The following MTF2 variants were observed in gnomAD, a reference collection of about 807,000 sequenced individuals.
The protein encoded by MTF2 is metal response element binding transcription factor 2.
MTF2 carries 11 observed loss-of-function variants against 79.5 expected under a neutral mutation model. The observed-to-expected ratio is 0.14, with a 90% confidence interval of 0.09 to 0.23. MTF2 has a LOEUF of 0.23. Among genes scored for constraint, MTF2 ranks in the 10% least tolerant of loss-of-function variants. The probability of loss-of-function intolerance (pLI) is 1.00; values close to 1 mark genes in which losing one functional copy is unlikely to be tolerated. For synonymous variants in MTF2, 208 were observed against 232.8 expected, an observed-to-expected ratio of 0.89 and a Z score of 0.97; for missense variants, 486 against 711.2, an observed-to-expected ratio of 0.68 and a Z score of 3.60.
intron 1 of MTF2, among the ~76,000 whole-genome samples, chr1:93,102,108 C>T (rs1302425160): frequency 1.3e-5 from 2 of 152,018 alleles, no homozygotes; most frequent in East Asian, 1.9e-4. Context: ...AACTGAGTAC[C>T]CAAAAGGAGT....
chr1:93,099,884 G>A (rs1207068320), intron 1 of MTF2, among the ~76,000 whole-genome samples: 1 of 152,214 alleles, frequency 6.6e-6, no homozygotes, highest in East Asian at 1.9e-4. Flanking sequence ...AAAATTGAAA[G>A]TGAATAAGAA....
At chr1:93,125,158 G>A (rs1438431182) in intron 9 of MTF2, among the ~76,000 whole-genome samples, 1 of 151,918 alleles carries the variant, frequency 6.6e-6, no homozygotes, top group Non-Finnish European at 1.5e-5. Context: ...AGTTAGTTTT[G>A]CTGTTGACTC....
rs1255734311 is a variant in MTF2, at chr1:93,088,112, TATTTTTTTCTCGTTGGTCTTAGG to T, written c.5+8583_5+8605del. 2.6e-5 allele frequency among the ~76,000 whole-genome samples: 4 copies of T among 152,336 alleles called. No homozygotes were observed. The East Asian group carries it at 7.7e-4, about 29-fold the overall frequency. Reference sequence around the variant, plus strand: ...TGCAGCAAGAGCCCCTCAGTTCTCTTATTTTTTTCTCGTTGGTCTTAGGACCAGAGTCTGCAGGATTATAATGA... The same window carrying T: ...TGCAGCAAGAGCCCCTCAGTTCTCTTACCAGAGTCTGCAGGATTATAATGA... On this transcript the variant is annotated intron_variant, in intron 1 of 14. Transcript: ENST00000370298.
intron 11 of MTF2, among the ~76,000 whole-genome samples, chr1:93,130,046 G>T (rs970935146): frequency 7.9e-5 from 12 of 152,128 alleles, no homozygotes; most frequent in Non-Finnish European, 1.6e-4. Context: ...TTATAACAAT[G>T]TGAAAAACAA....
intron 1 of MTF2, among the ~76,000 whole-genome samples, chr1:93,104,395 T>C (rs1367152831): frequency 1.3e-5 from 2 of 152,006 alleles, no homozygotes; most frequent in Non-Finnish European, 2.9e-5. Flanking sequence ...AGATTAAAAA[T>C]GTACCCCGGG....
chr1:93,081,523 C>T (rs1430052739), intron 1 of MTF2, among the ~76,000 whole-genome samples: 1 of 152,208 alleles, frequency 6.6e-6, no homozygotes, highest in Non-Finnish European at 1.5e-5. Context: ...GTCGACACTT[C>T]CATGAACGAT....
intron 11 of MTF2, among the ~76,000 whole-genome samples, chr1:93,133,019 A>G (rs1193737155): frequency 1.3e-5 from 2 of 151,758 alleles, no homozygotes; most frequent in East Asian, 1.9e-4. Context: ...GTCTTTGCCT[A>G]TTGCACTTTT....
chr1:93,130,235 G>T (rs976552816), intron 11 of MTF2, among the ~76,000 whole-genome samples: 7 of 152,192 alleles, frequency 4.6e-5, no homozygotes, highest in African/African-American at 1.4e-4. Context: ...AGGAATTTGG[G>T]TTGTTTTCTA....
chr1:93,113,127 C>T (rs533750069), intron 3 of MTF2, among the ~76,000 whole-genome samples: 2 of 151,976 alleles, frequency 1.3e-5, no homozygotes, highest in East Asian at 3.8e-4. Flanking sequence ...TGTCTGCAAT[C>T]CCAGTGCTTT....
At chr1:93,124,585 T>C (rs538724540) in intron 9 of MTF2, among the ~76,000 whole-genome samples, 2 of 152,130 alleles carry the variant, frequency 1.3e-5, no homozygotes, top group African/African-American at 4.8e-5. Flanking sequence ...GTAGAAATGA[T>C]ACTAGAGGAA....
chr1:93,088,720 C>T (rs192849643), intron 1 of MTF2, among the ~76,000 whole-genome samples: 1 of 152,084 alleles, frequency 6.6e-6, no homozygotes, highest in African/African-American at 2.4e-5. Context: ...TGTGTGCCAA[C>T]GTGCCTGGCT....
In MTF2 at chr1:93,138,648, A is replaced by C. The variant is rs1647498104; in HGVS notation, c.*1621A>C. 6.6e-6 allele frequency: 1 copy of C among 152,156 alleles called. No individual in the cohort carries two copies. The highest frequency in any genetic ancestry group is 2.1e-4 in the South Asian group (1 of 4,826). The allele number at this position is 152,156 out of a possible 1,614,324, so 9.4% of individuals were successfully genotyped here. ...ACAAAAGTGCAAATTAAAAACTGTT[A>C]CTTCTGTTTACCTCCACCAAAACTT... On this transcript the variant is annotated 3_prime_UTR_variant, in exon 15 of 15. Coordinates refer to ENST00000370298, the MANE Select transcript of MTF2 (RefSeq NM_007358.4).
intron 1 of MTF2, among the ~76,000 whole-genome samples, chr1:93,096,940 AGTC>A (rs201595311): frequency 0.015 from 2,283 of 150,704 alleles, 29 homozygotes; most frequent in Non-Finnish European, 0.023. Flanking sequence ...CCTCCTGAGT[AGTC>A]GGGCCTGCAG....
intron 1 of MTF2, among the ~76,000 whole-genome samples, chr1:93,106,107 C>A (rs779593082): frequency 6.6e-6 from 1 of 152,010 alleles, no homozygotes; most frequent in Non-Finnish European, 1.5e-5. Flanking sequence ...TCAAGGGTAA[C>A]TATAATTAGG....
chr1:93,115,453 T>G lies in MTF2; in HGVS notation c.484-17T>G, dbSNP rs984233227. On this transcript the variant is annotated splice_polypyrimidine_tract_variant and intron_variant, in intron 5 of 14. Transcript: ENST00000370298. ...TTTTAGCCTTCACTCTTTCACATTT[T>G]TTTCCCTCTAATGTAGAGGGGTGGT... 2 of 1,528,944 alleles carry G rather than the reference T, an allele frequency of 1.3e-6. No homozygotes were observed. Among genetic ancestry groups the G allele is most frequent in the African/African-American group, 2.8e-5 (2 of 71,910 alleles). 94.7% of individuals were successfully genotyped at this position (1,528,944 alleles called of 1,614,324 possible). A position where few individuals can be genotyped will look rare whatever the true frequency, so the allele number is the denominator to read the frequency against.
intron 12 of MTF2, 54 bp from the exon 13 acceptor site, chr1:93,133,873 AT>A: frequency 6.5e-7 from 1 of 1,533,204 alleles, no homozygotes. Flanking sequence ...AGAAGCTAGT[AT>A]TTTTTTCAGC....
chr1:93,082,059 G>A (rs567110729), intron 1 of MTF2, among the ~76,000 whole-genome samples: 1 of 152,156 alleles, frequency 6.6e-6, no homozygotes, highest in South Asian at 2.1e-4. Flanking sequence ...ATATAACATT[G>A]CAATAGAATA....
chr1:93,086,393 C>A (rs181757080), intron 1 of MTF2, among the ~76,000 whole-genome samples: 45 of 150,578 alleles, frequency 3.0e-4, no homozygotes, highest in Non-Finnish European at 7.4e-5. Context: ...GTAATCTCAG[C>A]TACTCAGGAG....
chr1:93,130,576 CA>C (rs113108662), intron 11 of MTF2, among the ~76,000 whole-genome samples: 17,536 of 140,800 alleles, frequency 0.12, 1,350 homozygotes, highest in African/African-American at 0.23. Context: ...GACTCTGTCT[CA>C]AAAAAAAAAA....
Sources: allele counts gnomAD v4.1 joint callset (sites outside exome capture counted in the v4.1 genomes callset), GRCh38; gene constraint gnomAD v4.1.1; transcripts MANE v1.5; gene names NCBI Gene and HGNC (gene_info 2026-07-23, HGNC 2026-07-21).